Variants in RTN1 observed in about 807,000 individuals in gnomAD.
RTN1 encodes the protein reticulon-1.
RTN1 carries 25 observed loss-of-function variants against 65.5 expected under a neutral mutation model. The ratio of observed to expected loss-of-function variants is 0.38; its 90% CI spans 0.28 to 0.53. The LOEUF (loss-of-function observed/expected upper bound fraction) is 0.53, where lower values mean the gene tolerates loss of function less well. Among genes scored for constraint, RTN1 ranks in the 20% least tolerant of loss-of-function variants. The pLI is 0.79. For synonymous variants in RTN1, 471 were observed against 447.6 expected (o/e 1.05, Z -0.66); for missense variants, 983 against 1,025.4 (o/e 0.96, Z 0.57).
intron 3 of RTN1, among the ~76,000 whole-genome samples, chr14:59,703,137 C>G (rs1295310770): frequency 1.3e-5 from 2 of 152,128 alleles, no homozygotes; most frequent in Non-Finnish European, 2.9e-5. Flanking sequence ...CTCAATCCCT[C>G]TAACTCTTTC....
At chr14:59,752,498 G>T (rs1885553785) in intron 1 of RTN1, among the ~76,000 whole-genome samples, 1 of 151,966 alleles carries the variant, frequency 6.6e-6, no homozygotes, top group African/African-American at 2.4e-5. Context: ...TGGGGCGGGG[G>T]TGGTGCACAA....
chr14:59,673,385 G>A lies in RTN1; in HGVS notation c.1765+53534C>T, dbSNP rs145906061. On this transcript the variant is annotated intron_variant, in intron 3 of 8. Coordinates refer to ENST00000267484, the MANE Select transcript of RTN1 (RefSeq NM_021136.3). ...GCTAGGCAAATGCGGGTGTGTTACAGCTGTCTTGTTCCTGCTGCCCACAGC... is the reference window on the plus strand; with the variant it reads ...GCTAGGCAAATGCGGGTGTGTTACAACTGTCTTGTTCCTGCTGCCCACAGC... 1.5e-4 allele frequency among the ~76,000 whole-genome samples: 23 copies of A among 152,310 alleles called. 1 individual carries two copies. The East Asian group carries it at 4.2e-3, about 28-fold the overall frequency.
intron 3 of RTN1, among the ~76,000 whole-genome samples, chr14:59,623,346 G>A (rs1293236846): frequency 6.6e-6 from 1 of 152,150 alleles, no homozygotes; most frequent in East Asian, 1.9e-4. Context: ...TAAGCCCTTG[G>A]TCACCATGGT....
At chr14:59,784,618 A>G (rs772473756) in intron 1 of RTN1, among the ~76,000 whole-genome samples, 1 of 152,176 alleles carries the variant, frequency 6.6e-6, no homozygotes, top group African/African-American at 2.4e-5. Context: ...TACTTTGTCA[A>G]TATGTTTTGG....
At chr14:59,610,061 C>T in intron 3 of RTN1, 1 of 756,658 alleles carries the variant, frequency 1.3e-6, no homozygotes, top group Non-Finnish European at 2.5e-6. Context: ...AGTTTTCAGA[C>T]AAAGAGAAGA....
At chr14:59,624,552 C>CCTGG (rs1882341588) in intron 3 of RTN1, among the ~76,000 whole-genome samples, 1 of 151,950 alleles carries the variant, frequency 6.6e-6, no homozygotes, top group Admixed American at 6.6e-5. Context: ...ACCTCTGCCC[C>CCTGG]CTGGGTTCAA....
At chr14:59,651,477 G>T (rs1388100268) in intron 3 of RTN1, among the ~76,000 whole-genome samples, 1 of 151,958 alleles carries the variant, frequency 6.6e-6, no homozygotes, top group East Asian at 1.9e-4. Flanking sequence ...ATAGGCATGG[G>T]GTCTGTAATT....
At chr14:59,714,188 T>C (rs1014328737) in intron 3 of RTN1, among the ~76,000 whole-genome samples, 2 of 151,280 alleles carry the variant, frequency 1.3e-5, no homozygotes, top group African/African-American at 2.4e-5. Flanking sequence ...TTAGCCGAGA[T>C]TGTGCCATTG....
At chr14:59,704,573 T>C (rs1884251480) in intron 3 of RTN1, among the ~76,000 whole-genome samples, 1 of 152,196 alleles carries the variant, frequency 6.6e-6, no homozygotes, top group Non-Finnish European at 1.5e-5. Context: ...ATTGACAGGG[T>C]GTCCCTACAT....
chr14:59,775,666 T>C (rs1310106841), intron 1 of RTN1, among the ~76,000 whole-genome samples: 2 of 152,044 alleles, frequency 1.3e-5, no homozygotes, highest in Non-Finnish European at 2.9e-5. Flanking sequence ...GTAACAGAAA[T>C]TGAACTGAAA....
Position 59,854,548 on chromosome 14 carries a change from T to G in RTN1, c.241+15842A>C, listed in dbSNP as rs573985380. On this transcript the variant is annotated intron_variant, in intron 1 of 8. Coordinates refer to ENST00000267484, the MANE Select transcript of RTN1 (RefSeq NM_021136.3). ...CCCAGCTACTCGGGAGGCTGAGGCATGAGAATCGCTTGAACCCAGGAGGTG... is the reference window on the plus strand; with the variant it reads ...CCCAGCTACTCGGGAGGCTGAGGCAGGAGAATCGCTTGAACCCAGGAGGTG... Among the ~76,000 whole-genome samples the G allele has an allele frequency of 1.2e-4, 17 of 141,476 alleles. No individual in the cohort carries two copies. In the South Asian group the frequency reaches 2.4e-3, roughly 20 times the overall value. 92.8% of individuals were successfully genotyped at this position (141,476 alleles called of 152,430 possible).
intron 1 of RTN1, among the ~76,000 whole-genome samples, chr14:59,845,785 C>A (rs1314771975): frequency 2.0e-5 from 3 of 152,126 alleles, no homozygotes; most frequent in African/African-American, 7.2e-5. Context: ...ACCCACTGAA[C>A]CCTTTCCCTA....
At chr14:59,783,401 G>C (rs2139577762) in intron 1 of RTN1, among the ~76,000 whole-genome samples, 1 of 152,286 alleles carries the variant, frequency 6.6e-6, no homozygotes, top group Non-Finnish European at 1.5e-5. Flanking sequence ...AAGAGGCTGG[G>C]TGCTTAGGGA....
In RTN1 at chr14:59,839,136, T is replaced by C. The variant is rs888182068; in HGVS notation, c.241+31254A>G. Among the ~76,000 whole-genome samples, 8 of 152,184 alleles carry C rather than the reference T, an allele frequency of 5.3e-5. No individual in the cohort carries two copies. The East Asian group carries it at 5.8e-4, about 11-fold the overall frequency. ...AAAAAGAGAGGCTTCAAATGATCAA[T>C]AGAATTAGATTATCAAGTGAATTCA... is the stretch of plus-strand genomic sequence containing the variant. On this transcript the variant is annotated intron_variant, in intron 1 of 8. Coordinates refer to ENST00000267484, the MANE Select transcript of RTN1 (RefSeq NM_021136.3).
intron 1 of RTN1, among the ~76,000 whole-genome samples, chr14:59,804,428 C>A (rs1302043074): frequency 6.6e-6 from 1 of 152,150 alleles, no homozygotes; most frequent in Non-Finnish European, 1.5e-5. Context: ...TTCACTGCAA[C>A]ATTACTGATA....
chr14:59,771,487 TA>T (rs1885958050), intron 1 of RTN1, among the ~76,000 whole-genome samples: 1 of 152,228 alleles, frequency 6.6e-6, no homozygotes, highest in African/African-American at 2.4e-5. Context: ...TAAGCTTCCA[TA>T]AAATGCCATG....
intron 1 of RTN1, among the ~76,000 whole-genome samples, chr14:59,820,154 A>G (rs1426702946): frequency 6.6e-6 from 1 of 151,708 alleles, no homozygotes; most frequent in Non-Finnish European, 1.5e-5. Flanking sequence ...TGGTAATGTT[A>G]ATTTTTTCAT....
intron 1 of RTN1, among the ~76,000 whole-genome samples, chr14:59,793,202 C>A (rs74833430): frequency 6.6e-6 from 1 of 152,132 alleles, no homozygotes; most frequent in African/African-American, 2.4e-5. Context: ...ACATCAAGTA[C>A]ACATTTTGAA....
At chr14:59,652,867 T>C (rs998340177) in intron 3 of RTN1, among the ~76,000 whole-genome samples, 1 of 151,724 alleles carries the variant, frequency 6.6e-6, no homozygotes, top group Non-Finnish European at 1.5e-5. Context: ...AACAATCTAA[T>C]CTGAAGAACT....
Sources: gnomAD v4.1 joint callset for allele counts (sites outside exome capture counted in the v4.1 genomes callset) on GRCh38, gnomAD v4.1.1 for gene constraint, MANE v1.5 for transcripts, NCBI Gene and HGNC (gene_info 2026-07-23, HGNC 2026-07-21) for gene names.